The following PRKAR1B variants were observed in gnomAD, a reference collection of about 807,000 sequenced individuals.
The protein encoded by PRKAR1B is cAMP-dependent protein kinase type I-beta regulatory subunit.
In PRKAR1B, 22 loss-of-function variants were observed where a neutral mutation model predicts 46.5. The observed-to-expected ratio is 0.47, with a 90% CI of 0.34 to 0.68. The LOEUF (loss-of-function observed/expected upper bound fraction) is 0.68, where lower values mean the gene tolerates loss of function less well. PRKAR1B is among the 30% of genes least tolerant of loss of function. The probability of loss-of-function intolerance (pLI) is 0.01; values close to 1 mark genes in which losing one functional copy is unlikely to be tolerated. For synonymous variants in PRKAR1B, 259 were observed against 217.7 expected (o/e 1.19, Z -1.67); for missense variants, 445 against 535.6 (o/e 0.83, Z 1.67).
intron 9 of PRKAR1B, among the ~76,000 whole-genome samples, chr7:564,112 G>A (rs901066694): frequency 6.6e-5 from 10 of 152,130 alleles, no homozygotes; most frequent in African/African-American, 2.2e-4. Flanking sequence ...TCTCCCCACA[G>A]AGACCATACC....
At chr7:660,615 T>TC (rs1474247247) in intron 4 of PRKAR1B, among the ~76,000 whole-genome samples, 8 of 65,934 alleles carry the variant, frequency 1.2e-4, no homozygotes, top group Non-Finnish European at 2.2e-4. Context: ...TTACCTACTC[T>TC]CCCCCCCATA....
chr7:552,812 G>C (rs1260313218), intron 9 of PRKAR1B, among the ~76,000 whole-genome samples: 1 of 152,250 alleles, frequency 6.6e-6, no homozygotes, highest in Admixed American at 6.5e-5. Flanking sequence ...AGGACTGGGA[G>C]CTCATCCAGC....
chr7:705,029 C>T (rs772831984), intron 2 of PRKAR1B, among the ~76,000 whole-genome samples: 9 of 151,856 alleles, frequency 5.9e-5, no homozygotes, highest in Non-Finnish European at 1.0e-4. Flanking sequence ...CAGTGGCTCA[C>T]GCCTGTAATC....
intron 9 of PRKAR1B, among the ~76,000 whole-genome samples, chr7:572,197 A>G (rs913531409): frequency 4.6e-5 from 7 of 152,162 alleles, no homozygotes; most frequent in Non-Finnish European, 7.3e-5. Context: ...TGCGGTGGGT[A>G]CCATAGCTCT....
At chr7:656,099 A>G (rs1431710361) in intron 4 of PRKAR1B, among the ~76,000 whole-genome samples, 1 of 152,226 alleles carries the variant, frequency 6.6e-6, no homozygotes, top group African/African-American at 2.4e-5. Flanking sequence ...CACGATTTCC[A>G]GCACTGGGCA....
chr7:674,873 G>A (rs895176284), intron 4 of PRKAR1B, among the ~76,000 whole-genome samples: 3 of 152,206 alleles, frequency 2.0e-5, no homozygotes, highest in African/African-American at 7.2e-5. Context: ...CACATGCTCT[G>A]GATAAGATAG....
intron 2 of PRKAR1B, among the ~76,000 whole-genome samples, chr7:688,802 T>C (rs1447727085): frequency 6.6e-6 from 1 of 152,234 alleles, no homozygotes; most frequent in Admixed American, 6.5e-5. Flanking sequence ...ATCTGACGTA[T>C]TTTGCGTCTT....
intron 2 of PRKAR1B, among the ~76,000 whole-genome samples, chr7:705,586 C>T (rs1294256909): frequency 2.0e-5 from 3 of 152,092 alleles, no homozygotes; most frequent in South Asian, 4.2e-4. Flanking sequence ...ACCTGTAAGA[C>T]GAATATTTAT....
At chr7:623,326 A>C (rs1783210518) in intron 4 of PRKAR1B, among the ~76,000 whole-genome samples, 1 of 152,200 alleles carries the variant, frequency 6.6e-6, no homozygotes, top group African/African-American at 2.4e-5. Flanking sequence ...TCTGGTTCCT[A>C]ACCACAAACA....
intron 2 of PRKAR1B, among the ~76,000 whole-genome samples, chr7:694,212 G>A (rs749745129): frequency 5.6e-4 from 85 of 152,266 alleles, no homozygotes; most frequent in Non-Finnish European, 9.4e-4. Context: ...ATGAACCCGG[G>A]AGGCACAGCT....
At chr7:568,782 G>A (rs1036794199) in intron 9 of PRKAR1B, among the ~76,000 whole-genome samples, 4 of 152,208 alleles carry the variant, frequency 2.6e-5, no homozygotes, top group South Asian at 2.1e-4. Flanking sequence ...AAGTCTCCTC[G>A]CTTTGCTGCC....
chr7:698,827 T>C (rs1455967167), intron 2 of PRKAR1B, among the ~76,000 whole-genome samples: 1 of 151,866 alleles, frequency 6.6e-6, no homozygotes, highest in African/African-American at 2.4e-5. Flanking sequence ...TCTGGGCGAG[T>C]GTGTGTACAT....
At chr7:723,468 GGTCTCCAGCCC>G (rs1393451172) in intron 1 of PRKAR1B, among the ~76,000 whole-genome samples, 6 of 152,184 alleles carry the variant, frequency 3.9e-5, no homozygotes, top group African/African-American at 1.4e-4. Context: ...CCAGTCCAGA[GGTCTCCAGCCC>G]GTCTGTCAAC....
intron 9 of PRKAR1B, among the ~76,000 whole-genome samples, chr7:569,568 C>A (rs1583219095): frequency 6.6e-6 from 1 of 152,318 alleles, no homozygotes; most frequent in South Asian, 2.1e-4. Flanking sequence ...CATGCAGCCC[C>A]TCCCCTGCTC....
chr7:585,993 C>T (rs1267987018), intron 7 of PRKAR1B, among the ~76,000 whole-genome samples: 5 of 152,186 alleles, frequency 3.3e-5, no homozygotes, highest in East Asian at 3.9e-4. Flanking sequence ...ACCAGGGGCA[C>T]GCAGACACAG....
chr7:575,476 G>A (rs1218359059), intron 9 of PRKAR1B, among the ~76,000 whole-genome samples: 2 of 152,230 alleles, frequency 1.3e-5, no homozygotes, highest in Admixed American at 6.5e-5. Flanking sequence ...AGCATCAAGG[G>A]GAGGGGGTTA....
chr7:631,335 C>T (rs116277525), intron 4 of PRKAR1B, among the ~76,000 whole-genome samples: 26 of 152,318 alleles, frequency 1.7e-4, no homozygotes, highest in African/African-American at 5.8e-4. Context: ...GCCCACCTCT[C>T]GCCATGTCAT....
At chr7:704,493 T>A (rs1450117172) in intron 2 of PRKAR1B, among the ~76,000 whole-genome samples, 9 of 152,270 alleles carry the variant, frequency 5.9e-5, no homozygotes, top group Non-Finnish European at 1.2e-4. Context: ...ACACAAACTA[T>A]GGCCGGGTGC....
rs995628282 is a variant in PRKAR1B at position 560,048 on chromosome 7, AG to A, written c.892-8579del. 6.6e-6 allele frequency among the ~76,000 whole-genome samples: 1 copy of A among 152,148 alleles called. No homozygotes were observed. The highest frequency in any genetic ancestry group is 1.5e-5 in the Non-Finnish European group (1 of 68,032). ...CAGGACCCTGTCTCTAATAATGACA[AG>A]GTTTGGCGGTGTCCCCACCCAAATC... On this transcript the variant is annotated intron_variant, in intron 9 of 10. Coordinates refer to ENST00000537384, the MANE Select transcript of PRKAR1B (RefSeq NM_001164760.2). This position sits in a 1 kb window ranked among gnomAD's most constrained non-coding sequence, Gnocchi z 4.2.
Sources: gnomAD v4.1 joint callset for allele counts (sites outside exome capture counted in the v4.1 genomes callset) on GRCh38, gnomAD v4.1.1 for gene constraint, Gnocchi (gnomAD v3.1) non-coding constraint, MANE v1.5 for transcripts, NCBI Gene and HGNC (gene_info 2026-07-23, HGNC 2026-07-21) for gene names.